Variants in ELAPOR1 observed in about 807,000 individuals in gnomAD.
The protein encoded by ELAPOR1 is endosome/lysosome-associated apoptosis and autophagy regulator 1.
Under a neutral mutation model 119.7 loss-of-function variants are expected in ELAPOR1, and 77 were observed. That is an observed-to-expected ratio of 0.64 (90% CI 0.54 to 0.78). ELAPOR1 has a LOEUF of 0.78. Ranked by LOEUF, ELAPOR1 falls within the 30% of genes least tolerant of loss-of-function variation. The probability of loss-of-function intolerance (pLI) is 0.00; values close to 1 mark genes in which losing one functional copy is unlikely to be tolerated. For missense variants in ELAPOR1, 1,115 were observed against 1,270.4 expected, an observed-to-expected ratio of 0.88 and a Z score of 1.86; for synonymous variants, 481 against 487.2, an observed-to-expected ratio of 0.99 and a Z score of 0.17.
At chr1:109,154,373 G>A (rs1650739172) in intron 1 of ELAPOR1, among the ~76,000 whole-genome samples, 1 of 151,798 alleles carries the variant, frequency 6.6e-6, no homozygotes, top group South Asian at 2.1e-4. Context: ...ATAAGTTCTT[G>A]GAACTGGAAG....
intron 15 of ELAPOR1, among the ~76,000 whole-genome samples, chr1:109,196,430 A>G (rs949892204): frequency 2.0e-5 from 3 of 152,220 alleles, no homozygotes; most frequent in African/African-American, 4.8e-5. Flanking sequence ...TGATTAAAGC[A>G]GGCTTCATGT....
At chr1:109,129,939 T>G (rs1649043573) in intron 1 of ELAPOR1, among the ~76,000 whole-genome samples, 1 of 152,148 alleles carries the variant, frequency 6.6e-6, no homozygotes, top group African/African-American at 2.4e-5. Context: ...AAAACCAAAG[T>G]GCCAGCAGGG....
rs748030834 is a variant in ELAPOR1 at position 109,162,025 on chromosome 1, A to G, written c.274+11A>G. ...AGGGCACCGAGTGCTGTAAGCAGCT[A>G]TCCTGCTCAGGGCCTCCCTGTCACT... On this transcript the variant is annotated intron_variant, in intron 2 of 21. Coordinates refer to ENST00000369939, the MANE Select transcript of ELAPOR1 (RefSeq NM_020775.5). 1.2e-6 allele frequency: 2 copies of G among 1,603,822 alleles called. No individual in the cohort carries two copies. The highest frequency in any genetic ancestry group is 1.7e-6 in the Non-Finnish European group (2 of 1,171,862).
intron 21 of ELAPOR1, among the ~76,000 whole-genome samples, chr1:109,201,839 C>A (rs1465193034): frequency 6.6e-6 from 1 of 152,166 alleles, no homozygotes; most frequent in Admixed American, 6.5e-5. Flanking sequence ...TTGGCTCATG[C>A]CTGTAATCCC....
At chr1:109,201,659 TAA>T (rs1654180189) in intron 21 of ELAPOR1, among the ~76,000 whole-genome samples, 3 of 152,290 alleles carry the variant, frequency 2.0e-5, no homozygotes, top group African/African-American at 7.2e-5. Context: ...TTTAGATTGC[TAA>T]GTCTTGTTTC....
chr1:109,120,454 C>T (rs1648329186), intron 1 of ELAPOR1, among the ~76,000 whole-genome samples: 1 of 150,288 alleles, frequency 6.7e-6, no homozygotes, highest in Non-Finnish European at 1.5e-5. Flanking sequence ...ATTTTTGCCC[C>T]CTCCACTATA....
rs773712424 is a variant in ELAPOR1 at position 109,179,409 on chromosome 1, C to CAA, written c.952+5591_952+5592dup. ...GGGTGACAGAGTGAGACTCTGTCTC[C>CAA]AAAAAAAAAAAAAAAAAAAAGAAGT... is the stretch of plus-strand genomic sequence containing the variant. On this transcript the variant is annotated intron_variant, in intron 7 of 21. Coordinates refer to ENST00000369939, the MANE Select transcript of ELAPOR1 (RefSeq NM_020775.5). Among the ~76,000 whole-genome samples, 58 of 50,384 alleles carry CAA rather than the reference C, an allele frequency of 1.2e-3. 1 individual carries two copies. The highest frequency in any genetic ancestry group is 3.5e-3 in the African/African-American group (47 of 13,516). 33.1% of individuals were successfully genotyped at this position (50,384 alleles called of 152,430 possible).
intron 7 of ELAPOR1, among the ~76,000 whole-genome samples, chr1:109,174,411 T>A (rs1307069143): frequency 3.5e-4 from 5 of 14,446 alleles, no homozygotes; most frequent in Admixed American, 1.6e-3. Context: ...AGACCCTGTC[T>A]CTAAAAAAAA....
rs767422981 is a variant in ELAPOR1, at chr1:109,191,344, CTT to C, written c.1440-19_1440-18del. 1 of 1,580,244 alleles carries C rather than the reference CTT, an allele frequency of 6.3e-7. No homozygotes were observed. The highest frequency in any genetic ancestry group is 8.7e-7 in the Non-Finnish European group (1 of 1,149,304). On this transcript the variant is annotated intron_variant, in intron 11 of 21. Coordinates refer to ENST00000369939, the MANE Select transcript of ELAPOR1 (RefSeq NM_020775.5). ...AGCACTGCCTGGCCTTTAGAACTGA[CTT>C]TTAATTTCTGCCCCTACAGACCTCC...
chr1:109,153,548 T>C (rs1650664997), intron 1 of ELAPOR1, among the ~76,000 whole-genome samples: 1 of 152,218 alleles, frequency 6.6e-6, no homozygotes, highest in African/African-American at 2.4e-5. Context: ...ATGTATAGAA[T>C]CAGAATCTGG....
chr1:109,187,573 C>A (rs1653132928), intron 8 of ELAPOR1: 1 of 1,002,034 alleles, frequency 1.0e-6, no homozygotes, highest in African/African-American at 1.7e-5. Flanking sequence ...AATGGAGCTG[C>A]CCACCTTCAC....
chr1:109,164,958 AG>A (rs987938939), intron 3 of ELAPOR1, among the ~76,000 whole-genome samples: 9 of 152,162 alleles, frequency 5.9e-5, no homozygotes, highest in African/African-American at 2.2e-4. Context: ...AGAGTGGACA[AG>A]GGGGGCAAGG....
intron 3 of ELAPOR1, among the ~76,000 whole-genome samples, chr1:109,169,500 C>T (rs1415834713): frequency 6.6e-6 from 1 of 152,170 alleles, no homozygotes; most frequent in Non-Finnish European, 1.5e-5. Context: ...CCACCCGCCT[C>T]AGCCTCCCAA....
Position 109,144,061 on chromosome 1 carries a change from A to ATATTTTTTTTTTTTTTTTTT in ELAPOR1, c.154-17832_154-17831insATTTTTTTTTTTTTTTTTTT. Among the ~76,000 whole-genome samples the ATATTTTTTTTTTTTTTTTTT allele has an allele frequency of 4.6e-4, 41 of 88,982 alleles. 1 individual carries two copies. Among genetic ancestry groups the ATATTTTTTTTTTTTTTTTTT allele is most frequent in the Non-Finnish European group, 5.7e-4 (27 of 47,394 alleles). The allele number at this position is 88,982 out of a possible 152,430, so 58.4% of individuals were successfully genotyped here. On this transcript the variant is annotated intron_variant, in intron 1 of 21. Coordinates refer to ENST00000369939, the MANE Select transcript of ELAPOR1 (RefSeq NM_020775.5). Reference sequence around the variant, plus strand: ...TATATATATATATATATATTTATATATTTTTTTTTTTTTTTGAGATGGAGT... The same window carrying ATATTTTTTTTTTTTTTTTTT: ...TATATATATATATATATATTTATATATATTTTTTTTTTTTTTTTTTTTTTTTTTTTTTTTTGAGATGGAGT...
At chr1:109,185,705 C>A (rs1041792447) in intron 8 of ELAPOR1, among the ~76,000 whole-genome samples, 2 of 152,198 alleles carry the variant, frequency 1.3e-5, no homozygotes, top group Non-Finnish European at 2.9e-5. Context: ...CTGAAACAAG[C>A]TCCTGCCCCC....
chr1:109,189,830 C>G, intron 11 of ELAPOR1, 148 bp downstream of exon 11: 1 of 662,060 alleles, frequency 1.5e-6, no homozygotes, highest in Non-Finnish European at 2.7e-6. Flanking sequence ...ACAGTTTGAC[C>G]GAGGTAACCC....
At chr1:109,201,329 C>T (rs1294193620) in intron 21 of ELAPOR1, 1 of 456,848 alleles carries the variant, frequency 2.2e-6, no homozygotes, top group South Asian at 1.5e-5. Flanking sequence ...GTGTCTGGGT[C>T]CAGTCCTTTG....
intron 17 of ELAPOR1, 62 bp from the exon 18 acceptor site, chr1:109,198,508 TTGG>T (rs1373706274): frequency 6.3e-6 from 9 of 1,424,766 alleles, no homozygotes; most frequent in Admixed American, 5.8e-5. Context: ...CGGATTTCTC[TTGG>T]TGGCTGTCCA....
intron 8 of ELAPOR1, among the ~76,000 whole-genome samples, chr1:109,186,178 C>CATTGAG (rs1391159949): frequency 2.6e-5 from 4 of 151,588 alleles, no homozygotes; most frequent in Non-Finnish European, 5.9e-5. Flanking sequence ...TGAGCAGAGA[C>CATTGAG]CTGAAGGAGA....
Sources: gnomAD v4.1 joint callset for allele counts (sites outside exome capture counted in the v4.1 genomes callset) on GRCh38, gnomAD v4.1.1 for gene constraint, MANE v1.5 for transcripts, NCBI Gene and HGNC (gene_info 2026-07-23, HGNC 2026-07-21) for gene names.